The following TGS1 variants were observed in gnomAD, a reference collection of about 807,000 sequenced individuals.
TGS1 encodes the protein trimethylguanosine synthase.
In TGS1, 69 loss-of-function variants were observed where a neutral mutation model predicts 92.2. The observed-to-expected ratio is 0.75, with a 90% confidence interval of 0.62 to 0.91. The LOEUF (loss-of-function observed/expected upper bound fraction) is 0.91. TGS1 is among the 40% of genes least tolerant of loss of function. The probability of loss-of-function intolerance (pLI) is 0.00; values close to 1 mark genes in which losing one functional copy is unlikely to be tolerated. For synonymous variants in TGS1, 345 were observed against 338.1 expected (o/e 1.02, Z -0.22); for missense variants, 1,062 against 1,001.2 (o/e 1.06, Z -0.82).
At chr8:55,821,967 T>C (rs1803652996) in intron 12 of TGS1, among the ~76,000 whole-genome samples, 1 of 147,938 alleles carries the variant, frequency 6.8e-6, no homozygotes, top group Non-Finnish European at 1.5e-5. Context: ...TTTAAAATGC[T>C]CTTTTAGGGA....
rs918259821 is a variant in TGS1 at position 55,825,930 on chromosome 8, C to T, written c.*1227C>T. Among the ~76,000 whole-genome samples the T allele has an allele frequency of 2.0e-5, 3 of 150,478 alleles. No homozygotes were observed. The highest frequency in any genetic ancestry group is 2.1e-4 in the South Asian group (1 of 4,772). ...TGTCGCCCAGGCTGGAGTGCAATGG[C>T]GTGATCTCAGCTTACTGCAACCTCC... is the stretch of plus-strand genomic sequence containing the variant. On this transcript the variant is annotated 3_prime_UTR_variant, in exon 13 of 13. Coordinates refer to ENST00000260129, the MANE Select transcript of TGS1 (RefSeq NM_024831.8).
At chr8:55,804,315 C>T (rs1012255478) in intron 9 of TGS1, among the ~76,000 whole-genome samples, 2 of 152,160 alleles carry the variant, frequency 1.3e-5, no homozygotes, top group African/African-American at 4.8e-5. Flanking sequence ...GTAGCGTGTG[C>T]CTGTAGTCCC....
At chr8:55,774,638 T>C (rs1367133984) in intron 1 of TGS1, among the ~76,000 whole-genome samples, 2 of 150,414 alleles carry the variant, frequency 1.3e-5, no homozygotes, top group Non-Finnish European at 2.9e-5. Flanking sequence ...TCAAGTATGC[T>C]GGTAGGCACT....
rs1811732062 is a variant in TGS1 at position 55,786,873 on chromosome 8, AC to A, written c.976del (p.Leu326Ter). ...TACTTGATGGAATTAGTAACATAAA[AC>A]TGAATTCAGAGGAAGTAACACAGAG... Reference protein sequence around the residue: ...EILDGISNIKLNSEEVTQSQL... With the variant: ...EILDGISNIKXNSEEVTQSQL... On this transcript the variant is annotated frameshift_variant, in exon 4 of 13. Transcript: ENST00000260129. LOFTEE classifies it high-confidence loss of function. The A allele has an allele frequency of 1.9e-6, 3 of 1,614,042 alleles. No individual in the cohort carries two copies. The African/African-American group carries it at 4.0e-5, about 22-fold the overall frequency.
At chr8:55,819,271 C>T (rs1173732237) in intron 12 of TGS1, among the ~76,000 whole-genome samples, 1 of 145,946 alleles carries the variant, frequency 6.9e-6, no homozygotes, top group East Asian at 2.0e-4. Context: ...TGTAGGTTAG[C>T]TTGTGATGCC....
rs770517628 is a variant in TGS1, at chr8:55,786,671, A to G, written c.773A>G (p.Gln258Arg). 1 of 1,613,872 alleles carries G rather than the reference A, an allele frequency of 6.2e-7. No homozygotes were observed. The highest frequency in any genetic ancestry group is 1.1e-5 in the South Asian group (1 of 91,084). The change falls in exon 4 of 13, where the codon CAG becomes CGG. Residue 258 changes from glutamine (Q) to arginine (R), a missense_variant. Gln to Arg is a conservative substitution (Grantham distance 43). Coordinates refer to ENST00000260129, the MANE Select transcript of TGS1 (RefSeq NM_024831.8). The part of the protein sequence containing the change: ...YLEQFQYWEA[Q>R]GWTFDASQSC... ...GAACAATTTCAGTATTGGGAAGCTC[A>G]GGGTTGGACTTTTGATGCCTCGCAA...
At chr8:55,785,625 G>A (rs1424816683) in intron 2 of TGS1, 94 bp from the exon 3 acceptor site, 6 of 847,174 alleles carry the variant, frequency 7.1e-6, no homozygotes, top group Admixed American at 6.8e-5. Flanking sequence ...TATTTTGGGC[G>A]GGTCACTCTG....
chr8:55,775,111 A>G (rs2130087525), intron 1 of TGS1, among the ~76,000 whole-genome samples: 1 of 152,172 alleles, frequency 6.6e-6, no homozygotes, highest in Non-Finnish European at 1.5e-5. Context: ...AAAATTAGCC[A>G]GCTGTGGTGG....
At chr8:55,796,791 G>T (rs1042371404) in intron 7 of TGS1, among the ~76,000 whole-genome samples, 2 of 151,892 alleles carry the variant, frequency 1.3e-5, no homozygotes, top group Admixed American at 1.3e-4. Context: ...AGGAGTTCGA[G>T]ACCAGCCTGG....
intron 7 of TGS1, among the ~76,000 whole-genome samples, chr8:55,797,954 G>T (rs1317939911): frequency 1.3e-5 from 2 of 152,154 alleles, no homozygotes; most frequent in Non-Finnish European, 2.9e-5. Context: ...GTTGGCTGCT[G>T]GTGATGTTTT....
intron 12 of TGS1, among the ~76,000 whole-genome samples, chr8:55,824,356 A>G (rs1365003935): frequency 6.6e-6 from 1 of 152,366 alleles, no homozygotes; most frequent in South Asian, 2.1e-4. Context: ...ACAGCATAGC[A>G]CCATGAACTT....
At chr8:55,802,986 A>T (rs1301573122) in intron 9 of TGS1, among the ~76,000 whole-genome samples, 1 of 151,484 alleles carries the variant, frequency 6.6e-6, no homozygotes, top group East Asian at 1.9e-4. Context: ...CCAGTATAGG[A>T]TCATGTATCA....
At chr8:55,822,898 T>A (rs1201437051) in intron 12 of TGS1, among the ~76,000 whole-genome samples, 1 of 152,196 alleles carries the variant, frequency 6.6e-6, no homozygotes, top group African/African-American at 2.4e-5. Flanking sequence ...CCACTGAGAT[T>A]ACATTCTCTC....
intron 1 of TGS1, among the ~76,000 whole-genome samples, chr8:55,776,978 T>C (rs1811418978): frequency 6.6e-6 from 1 of 151,998 alleles, no homozygotes; most frequent in South Asian, 2.1e-4. Flanking sequence ...GGGGTGGTTC[T>C]TGGGTGTTTT....
chr8:55,814,674 A>AAAT lies in TGS1; in HGVS notation c.2439+1557_2439+1558insATA, dbSNP rs1254531524. 2.5e-3 allele frequency among the ~76,000 whole-genome samples: 307 copies of AAAT among 123,312 alleles called. 1 individual carries two copies. Among genetic ancestry groups the AAAT allele is most frequent in the South Asian group, 4.3e-3 (17 of 3,958 alleles). 80.9% of individuals were successfully genotyped at this position (123,312 alleles called of 152,430 possible). ...CGTCTCTACTTAAAAAAAAAAAAAA[A>AAAT]ATATATATATATATATATATATATG... On this transcript the variant is annotated intron_variant, in intron 12 of 12. Transcript: ENST00000260129.
intron 1 of TGS1, among the ~76,000 whole-genome samples, chr8:55,777,018 T>G (rs1585750737): frequency 6.6e-6 from 1 of 150,690 alleles, no homozygotes; most frequent in African/African-American, 2.4e-5. Flanking sequence ...TTTTGGGAGG[T>G]TTATTTTGAG....
intron 4 of TGS1, among the ~76,000 whole-genome samples, chr8:55,789,445 A>G (rs1811813320): frequency 1.3e-5 from 2 of 152,222 alleles, no homozygotes; most frequent in Admixed American, 6.5e-5. Context: ...TTAAAATTCC[A>G]TAAGAATGTG....
rs1348476315 is a variant in TGS1 at position 55,811,059 on chromosome 8, A to G, written c.2322A>G (p.Ala774=). ...PPWGGPDYAT[A]ETFDIRTMMS... Reference sequence around the variant, plus strand: ...GGGGAGGGCCAGACTATGCCACTGCAGAGACCTTTGACATTAGAACAATGA... The same window carrying G: ...GGGGAGGGCCAGACTATGCCACTGCGGAGACCTTTGACATTAGAACAATGA... Residue 774 remains alanine (A), a synonymous_variant, in exon 11 of 13, where the codon GCA becomes GCG. Coordinates refer to ENST00000260129, the MANE Select transcript of TGS1 (RefSeq NM_024831.8). The G allele has an allele frequency of 2.5e-6, 4 of 1,614,012 alleles. No individual in the cohort carries two copies. In the African/African-American group the frequency reaches 5.3e-5, roughly 22 times the overall value.
At chr8:55,804,623 A>C (rs904967851) in intron 9 of TGS1, among the ~76,000 whole-genome samples, 10 of 152,178 alleles carry the variant, frequency 6.6e-5, no homozygotes, top group Non-Finnish European at 1.5e-4. Context: ...TCAAAATTGT[A>C]AATTCAGTTA....
Sources: allele counts gnomAD v4.1 joint callset (sites outside exome capture counted in the v4.1 genomes callset), GRCh38; gene constraint gnomAD v4.1.1; transcripts MANE v1.5; gene names NCBI Gene and HGNC (gene_info 2026-07-23, HGNC 2026-07-21).